COL11A1: variants seen among roughly 807,000 people sequenced by gnomAD.
COL11A1 encodes the protein collagen type XI alpha 1 chain, also known as collagen alpha-1(XI) chain.
Under a neutral mutation model 265.2 loss-of-function variants are expected in COL11A1, and 74 were observed. That is an observed-to-expected ratio of 0.28 (90% confidence interval 0.23 to 0.34). The LOEUF is 0.34. Among genes scored for constraint, COL11A1 ranks in the 10% least tolerant of loss-of-function variants. The pLI is 1.00. For missense variants in COL11A1, 2,165 were observed against 2,263.6 expected (o/e 0.96, Z 0.88); for synonymous variants, 816 against 727.6 (o/e 1.12, Z -1.96).
chr1:103,088,951 C>T (rs1002647628), intron 1 of COL11A1, among the ~76,000 whole-genome samples: 3 of 152,146 alleles, frequency 2.0e-5, no homozygotes, highest in African/African-American at 7.2e-5. Context: ...CTCCAAGAGC[C>T]ATCTCCAATA....
intron 6 of COL11A1, 114 bp downstream of exon 6, chr1:103,026,101 CA>C (rs1397205727): frequency 2.0e-5 from 24 of 1,197,258 alleles, no homozygotes; most frequent in Admixed American, 3.4e-5. Flanking sequence ...GTTATTGGTT[CA>C]GAGAAATAAG....
chr1:102,957,432 G>A (rs1660484955), intron 41 of COL11A1, among the ~76,000 whole-genome samples: 1 of 151,992 alleles, frequency 6.6e-6, no homozygotes, highest in African/African-American at 2.4e-5. Flanking sequence ...TCAGTATCCT[G>A]TGCAATGAGG....
chr1:102,971,265 G>A (rs1661958449), intron 36 of COL11A1, among the ~76,000 whole-genome samples: 1 of 152,124 alleles, frequency 6.6e-6, no homozygotes, highest in South Asian at 2.1e-4. Flanking sequence ...CATGGCTTAA[G>A]AAATAAATGA....
rs778287703 is a variant in COL11A1, at chr1:103,005,883, T to A, written c.1800A>T (p.Arg600=). The change falls in exon 18 of 67, where the codon CGA becomes CGT. Residue 600 remains arginine, a synonymous_variant. Transcript: ENST00000370096. Reference sequence around the variant, plus strand: ...GCAGACCCGGAAGTCCATCAAACCCTCGATCTCCCTGTAAAACCATCATCA... The same window carrying A: ...GCAGACCCGGAAGTCCATCAAACCCACGATCTCCCTGTAAAACCATCATCA... ...MPGEPGAKGD[R]GFDGLPGLPG... The A allele has an allele frequency of 2.5e-6, 4 of 1,602,480 alleles. No individual in the cohort carries two copies. In the East Asian group the frequency reaches 9.0e-5, roughly 36 times the overall value.
Position 103,002,479 on chromosome 1 carries a change from A to G in COL11A1, c.2046T>C (p.Gly682=). 1.2e-6 allele frequency: 2 copies of G among 1,608,434 alleles called. No individual in the cohort carries two copies. The highest frequency in any genetic ancestry group is 2.2e-5 in the South Asian group (2 of 89,770). Residue 682 remains glycine (G), a splice_region_variant and synonymous_variant, in exon 23 of 67, where the codon GGT becomes GGC. Transcript: ENST00000370096. ...DGPPGPKGNM[G]PQGEPGPPGQ... ...CTGGAGGCCCAGGCTCCCCTTGGGGACCCTGCCAGAGGAAAATATAAAAAG... is the reference window on the plus strand; with the variant it reads ...CTGGAGGCCCAGGCTCCCCTTGGGGGCCCTGCCAGAGGAAAATATAAAAAG...
intron 7 of COL11A1, 46 bp downstream of exon 7, chr1:103,025,475 T>C: frequency 7.9e-7 from 1 of 1,264,612 alleles, no homozygotes; most frequent in Non-Finnish European, 1.2e-6. Context: ...ATAAATTACA[T>C]ATTTAAAAAG....
At chr1:103,048,926 T>A (rs1027504014) in intron 4 of COL11A1, among the ~76,000 whole-genome samples, 1 of 152,222 alleles carries the variant, frequency 6.6e-6, no homozygotes. Flanking sequence ...AGTTTCTTAA[T>A]CCTGGGTTCT....
At chr1:102,944,475 C>G (rs1659046595) in intron 42 of COL11A1, among the ~76,000 whole-genome samples, 2 of 152,066 alleles carry the variant, frequency 1.3e-5, no homozygotes, top group African/African-American at 2.4e-5. Context: ...GAGTTGTTGT[C>G]CTTGGCTGGG....
rs369345126 is a variant in COL11A1 at position 103,005,824 on chromosome 1, T to C, written c.1845+14A>G. ...ATAACATTCCCTGGAAAAAAAGGAATAGATGTATCTTACCCTGTGACCTTT... is the reference window on the plus strand; with the variant it reads ...ATAACATTCCCTGGAAAAAAAGGAACAGATGTATCTTACCCTGTGACCTTT... On this transcript the variant is annotated intron_variant, in intron 18 of 66. Coordinates refer to ENST00000370096, the MANE Select transcript of COL11A1 (RefSeq NM_001854.4). The C allele has an allele frequency of 5.6e-6, 9 of 1,613,804 alleles. No homozygotes were observed. In the East Asian group the frequency reaches 6.7e-5, roughly 12 times the overall value.
chr1:103,069,392 C>T (rs968905874), intron 4 of COL11A1, among the ~76,000 whole-genome samples: 1 of 151,678 alleles, frequency 6.6e-6, no homozygotes, highest in Non-Finnish European at 1.5e-5. Flanking sequence ...TACCTTACAT[C>T]ATACACAAAT....
At chr1:103,058,136 C>A (rs1235133910) in intron 4 of COL11A1, among the ~76,000 whole-genome samples, 2 of 152,194 alleles carry the variant, frequency 1.3e-5, no homozygotes, top group Non-Finnish European at 2.9e-5. Flanking sequence ...TTGTCTACAG[C>A]TTCTATATCA....
At chr1:102,907,224 T>TTA (rs1654090712) in intron 54 of COL11A1, among the ~76,000 whole-genome samples, 1 of 152,112 alleles carries the variant, frequency 6.6e-6, no homozygotes, top group Admixed American at 6.6e-5. Context: ...GTTTACAAAG[T>TTA]GACTAGAATG....
At chr1:103,006,372 AT>A (rs1665614617) in intron 15 of COL11A1, 57 bp from the exon 16 acceptor site, 3 of 1,353,982 alleles carry the variant, frequency 2.2e-6, no homozygotes, top group Non-Finnish European at 3.1e-6. Context: ...AATAAACTCA[AT>A]AGCATCAAGA....
At position 102,877,879 on chromosome 1, in the gene COL11A1, A is replaced by G; in HGVS notation, c.*140T>C. On this transcript the variant is annotated 3_prime_UTR_variant, in exon 67 of 67. Transcript: ENST00000370096. The stretch of plus-strand genomic sequence containing the variant: ...CATGTGATTCTGCCCCCACAAAGGC[A>G]TCGGTATTTCCTAAATGGTACCTGT... 2.5e-6 allele frequency: 2 copies of G among 790,652 alleles called. No homozygotes were observed. Among genetic ancestry groups the G allele is most frequent in the South Asian group, 3.1e-5 (2 of 63,946 alleles). 49.0% of individuals were successfully genotyped at this position (790,652 alleles called of 1,614,324 possible).
At chr1:102,972,806 C>A (rs990763179) in intron 36 of COL11A1, among the ~76,000 whole-genome samples, 1 of 151,974 alleles carries the variant, frequency 6.6e-6, no homozygotes, top group African/African-American at 2.4e-5. Flanking sequence ...TGAGTTTTGA[C>A]TTTTTCTATT....
At chr1:103,046,874 A>G (rs951208555) in intron 4 of COL11A1, among the ~76,000 whole-genome samples, 43 of 152,102 alleles carry the variant, frequency 2.8e-4, no homozygotes, top group African/African-American at 1.0e-3. Flanking sequence ...TCCTTTCCCC[A>G]TTGCTTGTTT....
intron 18 of COL11A1, among the ~76,000 whole-genome samples, chr1:103,005,231 C>CATTATTA (rs1482168906): frequency 6.6e-6 from 1 of 151,970 alleles, no homozygotes; most frequent in African/African-American, 2.4e-5. Context: ...ATCTTATTCT[C>CATTATTA]ATTATTAATG....
At chr1:103,036,241 T>C (rs1403942235) in intron 4 of COL11A1, among the ~76,000 whole-genome samples, 3 of 150,074 alleles carry the variant, frequency 2.0e-5, no homozygotes, top group East Asian at 2.0e-4. Flanking sequence ...GGGATAGAAA[T>C]TCTAGAATGC....
At chr1:102,930,676 C>T (rs1378986769) in intron 46 of COL11A1, among the ~76,000 whole-genome samples, 1 of 152,106 alleles carries the variant, frequency 6.6e-6, no homozygotes, top group East Asian at 1.9e-4. Context: ...GGTACCAGTT[C>T]CTCCTTGTAC....
Sources: allele counts gnomAD v4.1 joint callset (sites outside exome capture counted in the v4.1 genomes callset), GRCh38; gene constraint gnomAD v4.1.1; transcripts MANE v1.5; gene names NCBI Gene and HGNC (gene_info 2026-07-23, HGNC 2026-07-21).